The following EPHA8 variants were observed in gnomAD, a reference collection of about 807,000 sequenced individuals.
The protein encoded by EPHA8 is EPH receptor A8, also known as ephrin type-A receptor 8.
In EPHA8, 58 loss-of-function variants were observed where a neutral mutation model predicts 103.6. The ratio of observed to expected loss-of-function variants is 0.56; its 90% CI spans 0.45 to 0.70. The LOEUF is 0.70. Ranked by LOEUF, EPHA8 falls within the 30% of genes least tolerant of loss-of-function variation. EPHA8 has a pLI of 0.00. For synonymous variants in EPHA8, 559 were observed against 572.5 expected, an observed-to-expected ratio of 0.98 and a Z score of 0.34; for missense variants, 1,304 against 1,395.2, an observed-to-expected ratio of 0.93 and a Z score of 1.04.
intron 3 of EPHA8, among the ~76,000 whole-genome samples, chr1:22,578,786 TATGTATGTGTGCGTGTGTGC>T (rs1467225664): frequency 3.3e-5 from 5 of 151,634 alleles, no homozygotes; most frequent in Non-Finnish European, 2.9e-5. Context: ...CGTGTGGGCA[TATGTATGTGTGCGTGTGTGC>T]ATGTATGTGT....
chr1:22,569,978 T>C lies in EPHA8; in HGVS notation c.159+625T>C, dbSNP rs995297146. Among the ~76,000 whole-genome samples, 2 of 152,134 alleles carry C rather than the reference T, an allele frequency of 1.3e-5. No individual in the cohort carries two copies. Among genetic ancestry groups the C allele is most frequent in the Non-Finnish European group, 2.9e-5 (2 of 68,022 alleles). On this transcript the variant is annotated intron_variant, in intron 2 of 16. Transcript: ENST00000166244. This position sits in a 1 kb window ranked among gnomAD's most constrained non-coding sequence, Gnocchi z 4.5. ...GCCTGGTGAGATCCCAGCTCTGCCCTTGACAAGCAGGTGGACTTGGGTCAC... is the reference window on the plus strand; with the variant it reads ...GCCTGGTGAGATCCCAGCTCTGCCCCTGACAAGCAGGTGGACTTGGGTCAC...
In EPHA8 at chr1:22,576,488, A is replaced by G. The variant is rs1411998753; in HGVS notation, c.431A>G (p.Lys144Arg). 2 of 1,614,120 alleles carry G rather than the reference A, an allele frequency of 1.2e-6. No individual in the cohort carries two copies. The highest frequency in any genetic ancestry group is 2.2e-5 in the South Asian group (2 of 91,084). ...AGCACACAAGAAAGCCAGTTCCTCA[A>G]AATCGACACCATTGCGGCCGACGAG... ...GASTQESQFL[K>R]IDTIAADESF... The change falls in exon 3 of 17, where the codon AAA (lysine) becomes AGA (arginine). Residue 144 changes from lysine to arginine, a missense_variant. Physicochemically the swap from Lys to Arg is conservative, Grantham distance 26. Coordinates refer to ENST00000166244, the MANE Select transcript of EPHA8 (RefSeq NM_020526.5). This position sits in a 1 kb window ranked among gnomAD's most constrained non-coding sequence, Gnocchi z 4.8.
chr1:22,577,887 G>A (rs1640766141), intron 3 of EPHA8, among the ~76,000 whole-genome samples: 1 of 115,206 alleles, frequency 8.7e-6, no homozygotes, highest in South Asian at 3.5e-4. Flanking sequence ...CTGTGTTCAT[G>A]AGTGTGTGCA....
In EPHA8 at chr1:22,598,033, G is replaced by A. The variant is rs533886144; in HGVS notation, c.2117-118G>A. 7.1e-7 allele frequency: 1 copy of A among 1,417,826 alleles called. No homozygotes were observed. Among genetic ancestry groups the A allele is most frequent in the Non-Finnish European group, 9.8e-7 (1 of 1,017,828 alleles). 87.8% of individuals were successfully genotyped at this position (1,417,826 alleles called of 1,614,324 possible). On this transcript the variant is annotated intron_variant, in intron 11 of 16. Transcript: ENST00000166244. The surrounding 1 kb of genome is among the most constrained non-coding windows in gnomAD (Gnocchi z 5.1). ...CCTGGGACCCCAGTGGAAACCCAAG[G>A]CACCCTGGGGTTTCCAGTGCTGGCA...
intron 2 of EPHA8, among the ~76,000 whole-genome samples, chr1:22,573,775 C>T (rs1640607801): frequency 1.3e-5 from 2 of 152,168 alleles, no homozygotes; most frequent in Admixed American, 6.5e-5. Flanking sequence ...AGGACTGTCC[C>T]CTCCCCTGTC....
intron 9 of EPHA8, among the ~76,000 whole-genome samples, chr1:22,596,667 A>T (rs1477681418): frequency 2.0e-5 from 3 of 147,926 alleles, no homozygotes; most frequent in East Asian, 2.0e-4. Context: ...ATTTTTTATT[A>T]TTTTTTTTTT....
chr1:22,570,634 C>G (rs867358952), intron 2 of EPHA8, among the ~76,000 whole-genome samples: 21 of 152,214 alleles, frequency 1.4e-4, no homozygotes, highest in African/African-American at 5.1e-4. Context: ...GGCCCCACTT[C>G]TCTCTCTCTG....
chr1:22,571,172 C>T (rs980850972), intron 2 of EPHA8, among the ~76,000 whole-genome samples: 2 of 152,178 alleles, frequency 1.3e-5, no homozygotes, highest in African/African-American at 4.8e-5. Context: ...TTTGGACGCT[C>T]ACACTGGCAG....
At chr1:22,584,722 C>T (rs2148246132) in intron 3 of EPHA8, among the ~76,000 whole-genome samples, 1 of 152,228 alleles carries the variant, frequency 6.6e-6, no homozygotes, top group Non-Finnish European at 1.5e-5. Context: ...CGGGAGCTGC[C>T]TGGCTGGGTG....
intron 4 of EPHA8, among the ~76,000 whole-genome samples, chr1:22,587,685 A>G (rs758801131): frequency 1.5e-4 from 23 of 152,176 alleles, no homozygotes; most frequent in Non-Finnish European, 3.2e-4. Context: ...GGCACTTCAG[A>G]CTGTTCTGAT....
rs1640257683 is a variant in EPHA8 at position 22,563,566 on chromosome 1, C to T, written c.-70C>T. The T allele has an allele frequency of 6.9e-6, 1 of 145,908 alleles. No homozygotes were observed. Among genetic ancestry groups the T allele is most frequent in the Non-Finnish European group, 1.5e-5 (1 of 65,500 alleles). The allele number at this position is 145,908 out of a possible 1,614,324, so 9.0% of individuals were successfully genotyped here. A position where few individuals can be genotyped will look rare whatever the true frequency, so the allele number is the denominator to read the frequency against. Reference sequence around the variant, plus strand: ...GGAGAGCGAGGGAGCGCGCTCCCTCCCGACGCGCGGGCCGCAGCGGCCAAG... The same window carrying T: ...GGAGAGCGAGGGAGCGCGCTCCCTCTCGACGCGCGGGCCGCAGCGGCCAAG... On this transcript the variant is annotated 5_prime_UTR_variant, in exon 1 of 17. Transcript: ENST00000166244. The surrounding 1 kb of genome is among the most constrained non-coding windows in gnomAD (Gnocchi z 4.4).
At chr1:22,599,374 A>C (rs957682294) in intron 13 of EPHA8, among the ~76,000 whole-genome samples, 1 of 152,006 alleles carries the variant, frequency 6.6e-6, no homozygotes, top group African/African-American at 2.4e-5. Context: ...GTTTGCCTAA[A>C]ACCCAGCTGT....
rs533886144 is a variant in EPHA8, at chr1:22,598,033, G to T, written c.2117-118G>T. Reference sequence around the variant, plus strand: ...CCTGGGACCCCAGTGGAAACCCAAGGCACCCTGGGGTTTCCAGTGCTGGCA... The same window carrying T: ...CCTGGGACCCCAGTGGAAACCCAAGTCACCCTGGGGTTTCCAGTGCTGGCA... On this transcript the variant is annotated intron_variant, in intron 11 of 16. Transcript: ENST00000166244. The surrounding 1 kb of genome is among the most constrained non-coding windows in gnomAD (Gnocchi z 5.1). 90 of 1,417,826 alleles carry T rather than the reference G, an allele frequency of 6.3e-5. No individual in the cohort carries two copies. The East Asian group carries it at 7.5e-4, about 12-fold the overall frequency. The allele number at this position is 1,417,826 out of a possible 1,614,324, so 87.8% of individuals were successfully genotyped here.
At chr1:22,582,499 GC>G (rs2148242940) in intron 3 of EPHA8, among the ~76,000 whole-genome samples, 1 of 149,478 alleles carries the variant, frequency 6.7e-6, no homozygotes, top group Non-Finnish European at 1.5e-5. Context: ...CTCTTTAGAG[GC>G]CTTGCTTAGA....
chr1:22,587,549 G>A (rs909428585), intron 4 of EPHA8, among the ~76,000 whole-genome samples: 4 of 152,268 alleles, frequency 2.6e-5, no homozygotes, highest in Admixed American at 6.5e-5. Flanking sequence ...CTGATGCAGC[G>A]CCTGGATTCT....
At position 22,595,230 on chromosome 1, in the gene EPHA8, G is replaced by A. The variant is rs1327893763; in HGVS notation, c.1604G>A (p.Arg535Gln). 2 of 1,606,880 alleles carry A rather than the reference G, an allele frequency of 1.2e-6. No homozygotes were observed. Among genetic ancestry groups the A allele is most frequent in the Non-Finnish European group, 1.7e-6 (2 of 1,174,988 alleles). ...QAMEVETGKP[R>Q]PRYDTRTIVW... is the part of the protein sequence containing the mutation. ...CCCCAACCCTGGCTTTCCCCTGCAG[G>A]GCCCCGCTATGACACCAGGACCATT... Residue 535 changes from arginine to glutamine, a missense_variant and splice_region_variant, in exon 8 of 17, where the codon CGG becomes CAG. Coordinates refer to ENST00000166244, the MANE Select transcript of EPHA8 (RefSeq NM_020526.5).
At position 22,563,908 on chromosome 1, in the gene EPHA8, A is replaced by G. The variant is rs932339579; in HGVS notation, c.94+179A>G. ...CCGGGATTAAGGGACAGAGCGGTGG[A>G]GATGGGAACCCGCGAGCTTGAGGAA... is the stretch of plus-strand genomic sequence containing the variant. On this transcript the variant is annotated intron_variant, in intron 1 of 16. Transcript: ENST00000166244. The surrounding 1 kb of genome is among the most constrained non-coding windows in gnomAD (Gnocchi z 4.4). Among the ~76,000 whole-genome samples the G allele has an allele frequency of 1.3e-5, 2 of 151,882 alleles. No homozygotes were observed. Among genetic ancestry groups the G allele is most frequent in the African/African-American group, 4.8e-5 (2 of 41,350 alleles).
intron 3 of EPHA8, among the ~76,000 whole-genome samples, chr1:22,578,893 A>G (rs972159172): frequency 1.8e-4 from 26 of 142,354 alleles, no homozygotes; most frequent in Admixed American, 4.8e-4. Flanking sequence ...CCGTGTGTGC[A>G]TGTGTGCATG....
At position 22,599,037 on chromosome 1, in the gene EPHA8, A is replaced by C; in HGVS notation, c.2378A>C (p.Tyr793Ser). 1 of 1,604,570 alleles carries C rather than the reference A, an allele frequency of 6.2e-7. No individual in the cohort carries two copies. Among genetic ancestry groups the C allele is most frequent in the East Asian group, 2.2e-5 (1 of 44,584 alleles). The change falls in exon 13 of 17, where the codon TAC (tyrosine) becomes TCC (serine). Residue 793 changes from tyrosine (Y) to serine (S), a missense_variant. Tyr to Ser is a moderately radical substitution (Grantham distance 144). Coordinates refer to ENST00000166244, the MANE Select transcript of EPHA8 (RefSeq NM_020526.5). ...RVLEDDPDAA[Y>S]TTTGGKIPIR... ...CTGGAGGACGACCCGGATGCTGCCT[A>C]CACCACCACGGTGCGTCGCCCACAC...
Sources: gnomAD v4.1 joint callset for allele counts (sites outside exome capture counted in the v4.1 genomes callset) on GRCh38, gnomAD v4.1.1 for gene constraint, Gnocchi (gnomAD v3.1) non-coding constraint, MANE v1.5 for transcripts, NCBI Gene and HGNC (gene_info 2026-07-23, HGNC 2026-07-21) for gene names.